The following MTFR1 variants were observed in gnomAD, a reference collection of about 807,000 sequenced individuals.
MTFR1 encodes the protein chondrocyte protein with a poly-proline region.
A neutral mutation model predicts 38.8 loss-of-function variants in MTFR1; 28 were observed. The ratio of observed to expected loss-of-function variants is 0.72; its 90% CI spans 0.53 to 0.99. The LOEUF (loss-of-function observed/expected upper bound fraction) is 0.99. Ranked by LOEUF, MTFR1 falls within the 50% of genes least tolerant of loss-of-function variation. The pLI is 0.00. For missense variants in MTFR1, 358 were observed against 395.5 expected (o/e 0.91, Z 0.81); for synonymous variants, 145 against 137.0 (o/e 1.06, Z -0.41).
chr8:65,658,563 C>G (rs1271009449), intron 1 of MTFR1, among the ~76,000 whole-genome samples: 1 of 152,056 alleles, frequency 6.6e-6, no homozygotes, highest in East Asian at 1.9e-4. Flanking sequence ...GAATATAAGC[C>G]TATACCATCT....
downstream of MTFR1, among the ~76,000 whole-genome samples, chr8:65,710,926 G>T (rs1396718227): frequency 1.3e-5 from 2 of 152,002 alleles, no homozygotes; most frequent in African/African-American, 2.4e-5. Flanking sequence ...GTATGAGAAA[G>T]AAAGGTAACT....
At chr8:65,705,778 C>T (rs1286718701) in intron 5 of MTFR1, among the ~76,000 whole-genome samples, 2 of 152,182 alleles carry the variant, frequency 1.3e-5, no homozygotes, top group Non-Finnish European at 2.9e-5. Flanking sequence ...ATGCCTTTAA[C>T]ACAAAGCAGC....
chr8:65,647,806 CAAA>C (rs11361465), intron 1 of MTFR1, among the ~76,000 whole-genome samples: 1 of 150,474 alleles, frequency 6.6e-6, no homozygotes, highest in Non-Finnish European at 1.5e-5. Context: ...AGATAAGCAA[CAAA>C]AAAAAAAATG....
intron 3 of MTFR1, chr8:65,739,514 G>T: frequency 6.4e-7 from 1 of 1,559,882 alleles, no homozygotes; most frequent in South Asian, 1.3e-5. Flanking sequence ...AAAAATCTAC[G>T]AAGTTTCATC....
chr8:65,660,004 T>C (rs1162175555), intron 1 of MTFR1, among the ~76,000 whole-genome samples: 1 of 152,162 alleles, frequency 6.6e-6, no homozygotes, highest in Non-Finnish European at 1.5e-5. Context: ...AAAAACCATC[T>C]GTGGGCCGGG....
chr8:65,659,443 T>TC (rs1809353199), intron 1 of MTFR1, among the ~76,000 whole-genome samples: 1 of 149,098 alleles, frequency 6.7e-6, no homozygotes, highest in Non-Finnish European at 1.5e-5. Flanking sequence ...TTTTTTTTTT[T>TC]CAATCCCTGA....
chr8:65,692,016 C>T (rs1805296111), intron 3 of MTFR1, among the ~76,000 whole-genome samples: 1 of 152,156 alleles, frequency 6.6e-6, no homozygotes, highest in Non-Finnish European at 1.5e-5. Flanking sequence ...AGTATATCTT[C>T]CAAAAGTTTG....
intron 1 of MTFR1, among the ~76,000 whole-genome samples, chr8:65,664,525 A>G (rs1804315667): frequency 6.6e-6 from 1 of 152,070 alleles, no homozygotes; most frequent in South Asian, 2.1e-4. Flanking sequence ...GTATATACAT[A>G]TATAAAAATT....
In MTFR1 at chr8:65,704,748, G is replaced by A; in HGVS notation, c.336G>A (p.Lys112=). The change falls in exon 5 of 8, where the codon AAG becomes AAA. Residue 112 remains lysine, a synonymous_variant. Coordinates refer to ENST00000262146, the MANE Select transcript of MTFR1 (RefSeq NM_014637.4). ...AGGATGACCTTCTTTTCTTTGAGAA[G>A]GCCCCAAGCAGACAGATTTCCTTAC... ...PLQDDLLFFE[K]APSRQISLPD... is the part of the protein sequence containing the mutation. 2 of 1,614,068 alleles carry A rather than the reference G, an allele frequency of 1.2e-6. No homozygotes were observed. Among genetic ancestry groups the A allele is most frequent in the South Asian group, 1.1e-5 (1 of 91,074 alleles).
chr8:65,655,949 AAAATATATATATATATATACC>A (rs1439724737), intron 1 of MTFR1, among the ~76,000 whole-genome samples: 4 of 15,736 alleles, frequency 2.5e-4, no homozygotes, highest in Admixed American at 1.3e-3. Flanking sequence ...CTTAAAAAAA[AAAATATATATATATATATACC>A]ATATATATAT....
intron 1 of MTFR1, among the ~76,000 whole-genome samples, chr8:65,660,623 G>A (rs942703060): frequency 2.2e-4 from 34 of 152,126 alleles, no homozygotes; most frequent in African/African-American, 7.7e-4. Flanking sequence ...GCTTGCACAC[G>A]GCAGACTGTG....
At chr8:65,753,810 G>A (rs1301409526) in intron 3 of MTFR1, among the ~76,000 whole-genome samples, 2 of 152,068 alleles carry the variant, frequency 1.3e-5, no homozygotes, top group Non-Finnish European at 2.9e-5. Flanking sequence ...TTAGATATAC[G>A]TATGTGTTTA....
At chr8:65,723,108 G>C (rs1251688654) in intron 3 of MTFR1, 1 of 153,704 alleles carries the variant, frequency 6.5e-6, no homozygotes, top group Non-Finnish European at 1.4e-5. Flanking sequence ...AACAGGCAGT[G>C]GTAAGAGTCT....
intron 1 of MTFR1, among the ~76,000 whole-genome samples, chr8:65,666,272 TGGC>T (rs1804379719): frequency 6.7e-6 from 1 of 149,540 alleles, no homozygotes; most frequent in African/African-American, 2.4e-5. Flanking sequence ...CTGGGTGTGG[TGGC>T]GCATGCCTGT....
rs935761676 is a variant in MTFR1 at position 65,732,328 on chromosome 8, T to C, written c.*48+12847T>C. On this transcript the variant is annotated intron_variant, in intron 3 of 3. Coordinates refer to the MTFR1 transcript ENST00000521247. Reference sequence around the variant, plus strand: ...ACATATTATTTTGATCAAAATTCTATTTATCTATTTGTTTAATGACTGCCT... The same window carrying C: ...ACATATTATTTTGATCAAAATTCTACTTATCTATTTGTTTAATGACTGCCT... Among the ~76,000 whole-genome samples the C allele has an allele frequency of 2.0e-5, 3 of 152,068 alleles. No homozygotes were observed. The East Asian group carries it at 5.8e-4, about 29-fold the overall frequency.
intron 1 of MTFR1, among the ~76,000 whole-genome samples, chr8:65,645,078 AC>A (rs1808913879): frequency 6.6e-6 from 1 of 151,700 alleles, no homozygotes; most frequent in Non-Finnish European, 1.5e-5. Context: ...CTACCCCTAC[AC>A]CTCCTGCCCC....
At chr8:65,658,207 C>T (rs1353353154) in intron 1 of MTFR1, among the ~76,000 whole-genome samples, 1 of 152,128 alleles carries the variant, frequency 6.6e-6, no homozygotes, top group Non-Finnish European at 1.5e-5. Context: ...AAAATAAGCC[C>T]CACCATGCTG....
At chr8:65,769,449 C>T (rs1808966976) in intron 3 of MTFR1, among the ~76,000 whole-genome samples, 2 of 152,186 alleles carry the variant, frequency 1.3e-5, no homozygotes, top group African/African-American at 4.8e-5. Flanking sequence ...TGAGAAACTA[C>T]TTCTTGGCTA....
At chr8:65,674,326 A>G (rs1804652162) in intron 2 of MTFR1, among the ~76,000 whole-genome samples, 1 of 151,792 alleles carries the variant, frequency 6.6e-6, no homozygotes, top group Non-Finnish European at 1.5e-5. Context: ...TTTTAAAGAA[A>G]AAAAGGCTGG....
Sources: gnomAD v4.1 joint callset for allele counts (sites outside exome capture counted in the v4.1 genomes callset) on GRCh38, gnomAD v4.1.1 for gene constraint, MANE v1.5 for transcripts, NCBI Gene and HGNC (gene_info 2026-07-23, HGNC 2026-07-21) for gene names.